Variants in MINDY4 observed in about 807,000 individuals in gnomAD.
MINDY4 encodes MINDY lysine 48 deubiquitinase 4.
MINDY4 carries 68 observed loss-of-function variants against 87.0 expected under a neutral mutation model. That is an observed-to-expected ratio of 0.78 (90% CI 0.64 to 0.96). The LOEUF is 0.96. Ranked by LOEUF, MINDY4 falls within the 40% of genes least tolerant of loss-of-function variation. MINDY4 has a pLI of 0.00. For synonymous variants in MINDY4, 379 were observed against 363.2 expected (o/e 1.04, Z -0.50); for missense variants, 919 against 928.2 (o/e 0.99, Z 0.13).
chr7:30,877,034 C>G (rs185561095), intron 15 of MINDY4, among the ~76,000 whole-genome samples: 16 of 152,210 alleles, frequency 1.1e-4, no homozygotes. Flanking sequence ...CTGGATGATA[C>G]CCCCAGCATG....
intron 5 of MINDY4, among the ~76,000 whole-genome samples, chr7:30,798,890 CAT>C (rs1409034076): frequency 6.6e-6 from 1 of 152,190 alleles, no homozygotes; most frequent in Non-Finnish European, 1.5e-5. Flanking sequence ...GCAGTCCACA[CAT>C]GTGAGCAGTG....
At chr7:30,789,297 C>T (rs974525462) in intron 4 of MINDY4, among the ~76,000 whole-genome samples, 3 of 152,170 alleles carry the variant, frequency 2.0e-5, no homozygotes, top group African/African-American at 7.2e-5. Context: ...CTGCCAAGGG[C>T]ATTGCTGCAA....
At chr7:30,862,125 G>T (rs1215929196) in intron 13 of MINDY4, among the ~76,000 whole-genome samples, 1 of 152,230 alleles carries the variant, frequency 6.6e-6, no homozygotes, top group Non-Finnish European at 1.5e-5. Context: ...CTGCCTGGGG[G>T]CTCCTCCAGT....
chr7:30,785,554 T>A (rs1292630745), intron 3 of MINDY4, among the ~76,000 whole-genome samples, 195 bp from the exon 4 acceptor site: 1 of 152,218 alleles, frequency 6.6e-6, no homozygotes, highest in Non-Finnish European at 1.5e-5. Context: ...TGGTCTTATT[T>A]TATAGGGCAG....
intron 9 of MINDY4, among the ~76,000 whole-genome samples, chr7:30,843,411 C>T (rs914965889): frequency 6.6e-6 from 1 of 152,204 alleles, no homozygotes; most frequent in African/African-American, 2.4e-5. Context: ...AGCCTTGGCC[C>T]TTGCAGGAGA....
chr7:30,836,775 G>A lies in MINDY4; in HGVS notation c.1239+11G>A. The stretch of plus-strand genomic sequence containing the variant: ...CTCTCAGTAGCAAAGGTAAGTGTAA[G>A]GAGACTCCTGGGTTAAATGTGTCTT... On this transcript the variant is annotated intron_variant, in intron 7 of 17. Coordinates refer to ENST00000265299, the MANE Select transcript of MINDY4 (RefSeq NM_032222.3). 6.2e-7 allele frequency: 1 copy of A among 1,601,198 alleles called. No individual in the cohort carries two copies. Among genetic ancestry groups the A allele is most frequent in the East Asian group, 2.2e-5 (1 of 44,798 alleles).
chr7:30,879,947 A>G (rs35969515), intron 15 of MINDY4, among the ~76,000 whole-genome samples: 1 of 152,044 alleles, frequency 6.6e-6, no homozygotes, highest in South Asian at 2.1e-4. Context: ...ACAAAAAATA[A>G]TGGCGAATCT....
intron 6 of MINDY4, among the ~76,000 whole-genome samples, chr7:30,834,635 G>A (rs1788805142): frequency 6.6e-6 from 1 of 152,186 alleles, no homozygotes; most frequent in Non-Finnish European, 1.5e-5. Flanking sequence ...AGAAAATGGG[G>A]TTTTCTTTTC....
At chr7:30,790,649 T>C (rs1787293856) in intron 4 of MINDY4, among the ~76,000 whole-genome samples, 1 of 152,166 alleles carries the variant, frequency 6.6e-6, no homozygotes, top group African/African-American at 2.4e-5. Context: ...TTCACCACAT[T>C]GGCAAGGCTG....
chr7:30,824,950 A>G (rs1051983585), intron 5 of MINDY4, among the ~76,000 whole-genome samples: 1 of 151,084 alleles, frequency 6.6e-6, no homozygotes, highest in Non-Finnish European at 1.5e-5. Context: ...GGAGCCCAGA[A>G]CACCAGCAGT....
chr7:30,840,454 A>G (rs1029374735), intron 8 of MINDY4, among the ~76,000 whole-genome samples: 7 of 152,182 alleles, frequency 4.6e-5, no homozygotes, highest in African/African-American at 1.7e-4. Flanking sequence ...ACATTTCCCT[A>G]GATGATAGAA....
chr7:30,824,970 C>T (rs560498393), intron 5 of MINDY4, among the ~76,000 whole-genome samples: 1 of 130,064 alleles, frequency 7.7e-6, no homozygotes, highest in South Asian at 2.6e-4. Context: ...TAATCCAGCT[C>T]ATGCCTCTCT....
At position 30,872,276 on chromosome 7, in the gene MINDY4, C is replaced by A. The variant is rs750661697; in HGVS notation, c.1779C>A (p.His593Gln). 1 of 1,614,038 alleles carries A rather than the reference C, an allele frequency of 6.2e-7. No homozygotes were observed. Among genetic ancestry groups the A allele is most frequent in the Non-Finnish European group, 8.5e-7 (1 of 1,180,014 alleles). ...IRQDFDVPTS[H>Q]LIGAHGYCTQ... ...AGGACTTTGATGTCCCCACCAGCCA[C>A]CTGATTGGAGCACATGGCTACTGTA... is the stretch of plus-strand genomic sequence containing the variant. Residue 593 changes from histidine (H) to glutamine (Q), a missense_variant, in exon 14 of 18, where the codon CAC becomes CAA. Transcript: ENST00000265299.
intron 12 of MINDY4, chr7:30,858,659 A>G (rs1176642108): frequency 1.3e-5 from 2 of 153,752 alleles, no homozygotes; most frequent in African/African-American, 2.4e-5. Context: ...AAAAATATAT[A>G]TATATATATA....
chr7:30,836,605 C>G (rs1006568642), intron 6 of MINDY4, 53 bp from the exon 7 acceptor site: 1 of 1,414,716 alleles, frequency 7.1e-7, no homozygotes, highest in Non-Finnish European at 1.0e-6. Context: ...ACTTCATGTT[C>G]TGTTCTCCGT....
chr7:30,864,094 A>G (rs1241963338), intron 13 of MINDY4, among the ~76,000 whole-genome samples: 1 of 152,202 alleles, frequency 6.6e-6, no homozygotes, highest in Non-Finnish European at 1.5e-5. Flanking sequence ...CATGCAGTAG[A>G]TTCTTGGCCT....
At position 30,835,875 on chromosome 7, in the gene MINDY4, G is replaced by A. The variant is rs73689310; in HGVS notation, c.1133-783G>A. 5.3e-3 allele frequency among the ~76,000 whole-genome samples: 802 copies of A among 152,366 alleles called. 8 individuals are homozygous for A. Among genetic ancestry groups the A allele is most frequent in the African/African-American group, 0.019 (775 of 41,586 alleles). Reference sequence around the variant, plus strand: ...CAGGTGTAATGACAAGGGGGCCTTAGCTAACGGGGAAGTCACAGCTGGGAC... The same window carrying A: ...CAGGTGTAATGACAAGGGGGCCTTAACTAACGGGGAAGTCACAGCTGGGAC... On this transcript the variant is annotated intron_variant, in intron 6 of 17. Transcript: ENST00000265299.
intron 5 of MINDY4, among the ~76,000 whole-genome samples, chr7:30,796,456 A>G (rs1204954171): frequency 1.3e-5 from 2 of 152,230 alleles, no homozygotes; most frequent in Non-Finnish European, 2.9e-5. Context: ...GCCTTGAAGT[A>G]TGATATAGTC....
chr7:30,771,838 A>G (rs1182708270), intron 1 of MINDY4, among the ~76,000 whole-genome samples: 1 of 152,100 alleles, frequency 6.6e-6, no homozygotes, highest in Non-Finnish European at 1.5e-5. Flanking sequence ...GCAGCTGGGG[A>G]GGGGGCCTGG....
Sources: gnomAD v4.1 joint callset for allele counts (sites outside exome capture counted in the v4.1 genomes callset) on GRCh38, gnomAD v4.1.1 for gene constraint, MANE v1.5 for transcripts, NCBI Gene and HGNC (gene_info 2026-07-23, HGNC 2026-07-21) for gene names.